Variants in BNC2 observed in about 807,000 individuals in gnomAD.
The protein encoded by BNC2 is zinc finger protein basonuclin-2.
BNC2 carries 20 observed loss-of-function variants against 76.3 expected under a neutral mutation model. That is an observed-to-expected ratio of 0.26 (90% confidence interval 0.18 to 0.38). BNC2 has a LOEUF of 0.38. BNC2 is among the 10% of genes least tolerant of loss of function. The probability of loss-of-function intolerance (pLI) is 1.00; values close to 1 mark genes in which losing one functional copy is unlikely to be tolerated. For missense variants in BNC2, 1,382 were observed against 1,399.8 expected (o/e 0.99, Z 0.20); for synonymous variants, 582 against 514.8 (o/e 1.13, Z -1.77).
At chr9:16,659,283 AC>A (rs1229499971) in intron 3 of BNC2, among the ~76,000 whole-genome samples, 1 of 152,032 alleles carries the variant, frequency 6.6e-6, no homozygotes, top group African/African-American at 2.4e-5. Flanking sequence ...CAATTTCAGG[AC>A]CCCTGTTCAC....
At chr9:16,685,409 T>C in intron 3 of BNC2, 1 of 427,358 alleles carries the variant, frequency 2.3e-6, no homozygotes, top group Non-Finnish European at 4.7e-6. Flanking sequence ...TGGCTGCACA[T>C]ACGCTACACT....
At chr9:16,780,656 A>G (rs1229400121) in intron 1 of BNC2, among the ~76,000 whole-genome samples, 14 of 152,200 alleles carry the variant, frequency 9.2e-5, no homozygotes, top group Non-Finnish European at 7.3e-5. Context: ...GGGCTTTTTT[A>G]ACACTTATTG....
At chr9:16,450,104 C>T (rs1359853546) in intron 5 of BNC2, among the ~76,000 whole-genome samples, 1 of 152,140 alleles carries the variant, frequency 6.6e-6, no homozygotes, top group East Asian at 1.9e-4. Context: ...AAGCCAATTT[C>T]ATTGATGCAT....
intron 4 of BNC2, among the ~76,000 whole-genome samples, chr9:16,555,630 A>C (rs1207286011): frequency 6.6e-6 from 1 of 151,906 alleles, no homozygotes; most frequent in Non-Finnish European, 1.5e-5. Context: ...TCCCACCTCT[A>C]CAAAAAATGG....
chr9:16,867,983 C>T (rs1013388378), intron 1 of BNC2: 6 of 152,350 alleles, frequency 3.9e-5, no homozygotes, highest in Admixed American at 3.9e-4. Context: ...CCTAACCCGC[C>T]TCTCTGTTCC....
At chr9:16,689,337 AACTTGAGAGAAGAGTCATGTT>A (rs1161560514) in intron 3 of BNC2, among the ~76,000 whole-genome samples, 4 of 152,166 alleles carry the variant, frequency 2.6e-5, no homozygotes, top group Non-Finnish European at 5.9e-5. Context: ...CAGAAATGAT[AACTTGAGAGAAGAGTCATGTT>A]ACGATGAAAA....
At chr9:16,430,531 A>C (rs1027667701) in intron 6 of BNC2, among the ~76,000 whole-genome samples, 3 of 152,140 alleles carry the variant, frequency 2.0e-5, no homozygotes, top group Non-Finnish European at 2.9e-5. Flanking sequence ...TGATGGAAAA[A>C]ATGGTTGTTG....
intron 4 of BNC2, chr9:16,575,245 T>C (rs1413503285): frequency 8.1e-6 from 8 of 984,822 alleles, no homozygotes; most frequent in Non-Finnish European, 8.4e-6. Flanking sequence ...TTCTTACCTA[T>C]TTTGTATATT....
At chr9:16,693,759 G>A (rs1347825253) in intron 3 of BNC2, among the ~76,000 whole-genome samples, 1 of 152,222 alleles carries the variant, frequency 6.6e-6, no homozygotes, top group Non-Finnish European at 1.5e-5. Flanking sequence ...GAAAGGAAAA[G>A]CTTACGAGAA....
At chr9:16,788,478 A>G (rs558271022) in intron 1 of BNC2, among the ~76,000 whole-genome samples, 8 of 150,524 alleles carry the variant, frequency 5.3e-5, no homozygotes, top group East Asian at 2.0e-4. Flanking sequence ...GCGTGAACCC[A>G]GGAGGCGGAG....
At chr9:16,830,034 G>C (rs1818546126) in intron 1 of BNC2, among the ~76,000 whole-genome samples, 1 of 152,122 alleles carries the variant, frequency 6.6e-6, no homozygotes, top group Non-Finnish European at 1.5e-5. Flanking sequence ...CTACATTTCT[G>C]CTATAAATGC....
chr9:16,439,790 A>T (rs968171592), intron 5 of BNC2, among the ~76,000 whole-genome samples: 15 of 152,226 alleles, frequency 9.9e-5, no homozygotes, highest in Admixed American at 2.6e-4. Context: ...CTACCATTTT[A>T]CATAAAGAAT....
intron 1 of BNC2, among the ~76,000 whole-genome samples, chr9:16,818,344 T>C (rs890442749): frequency 1.3e-5 from 2 of 151,932 alleles, no homozygotes; most frequent in East Asian, 1.9e-4. Context: ...GCGGAGCTTG[T>C]AGTGAGCCGA....
In BNC2 at chr9:16,413,175, C is replaced by A. The variant is rs1820510770; in HGVS notation, c.*5814G>T. 7.0e-6 allele frequency: 1 copy of A among 142,420 alleles called. No homozygotes were observed. Among genetic ancestry groups the A allele is most frequent in the Admixed American group, 7.2e-5 (1 of 13,808 alleles). 8.8% of individuals were successfully genotyped at this position (142,420 alleles called of 1,614,324 possible). On this transcript the variant is annotated 3_prime_UTR_variant, in exon 7 of 7. Coordinates refer to ENST00000380672, the MANE Select transcript of BNC2 (RefSeq NM_017637.6). The stretch of plus-strand genomic sequence containing the variant: ...ACAGACTGAGCCTTGGTCTTCATAT[C>A]CTATATAAAAAAGATTTTTTTTTTT...
chr9:16,851,270 G>A (rs1819120543), intron 1 of BNC2, among the ~76,000 whole-genome samples: 1 of 152,144 alleles, frequency 6.6e-6, no homozygotes, highest in African/African-American at 2.4e-5. Flanking sequence ...CACTTTGGGA[G>A]GCCAAGGCAG....
intron 3 of BNC2, among the ~76,000 whole-genome samples, chr9:16,624,154 G>A (rs1820932520): frequency 6.6e-6 from 1 of 152,166 alleles, no homozygotes; most frequent in Admixed American, 6.5e-5. Context: ...CCCTTTGAAT[G>A]TCTGGGCATG....
At chr9:16,566,405 T>A (rs1245603160) in intron 4 of BNC2, among the ~76,000 whole-genome samples, 1 of 152,176 alleles carries the variant, frequency 6.6e-6, no homozygotes, top group African/African-American at 2.4e-5. Flanking sequence ...AACCCTTCTT[T>A]TGTTCTAGAC....
intron 3 of BNC2, among the ~76,000 whole-genome samples, chr9:16,676,773 C>T (rs1315139878): frequency 6.6e-6 from 1 of 152,184 alleles, no homozygotes; most frequent in Non-Finnish European, 1.5e-5. Flanking sequence ...GTTCACACCA[C>T]ACCCAAGTGA....
intron 3 of BNC2, among the ~76,000 whole-genome samples, chr9:16,589,390 T>C (rs1819860603): frequency 6.6e-6 from 1 of 152,046 alleles, no homozygotes; most frequent in African/African-American, 2.4e-5. Flanking sequence ...CTCACCATGT[T>C]GCCCAGACTG....
Sources: allele counts gnomAD v4.1 joint callset (sites outside exome capture counted in the v4.1 genomes callset), GRCh38; gene constraint gnomAD v4.1.1; transcripts MANE v1.5; gene names NCBI Gene and HGNC (gene_info 2026-07-23, HGNC 2026-07-21).